LRMDA: variants seen among roughly 807,000 people sequenced by gnomAD.
LRMDA encodes leucine rich melanocyte differentiation associated.
LRMDA carries 18 observed loss-of-function variants against 29.8 expected under a neutral mutation model. The observed-to-expected ratio is 0.60, with a 90% CI of 0.42 to 0.90. The LOEUF (loss-of-function observed/expected upper bound fraction) is 0.90. Among genes scored for constraint, LRMDA ranks in the 40% least tolerant of loss-of-function variants. The pLI is 0.00. For synonymous variants in LRMDA, 125 were observed against 109.4 expected, an observed-to-expected ratio of 1.14 and a Z score of -0.89; for missense variants, 273 against 273.9, an observed-to-expected ratio of 1.00 and a Z score of 0.02.
At chr10:76,489,884 C>A (rs1280137391) in intron 6 of LRMDA, among the ~76,000 whole-genome samples, 1 of 151,856 alleles carries the variant, frequency 6.6e-6, no homozygotes, top group African/African-American at 2.4e-5. Context: ...TCTCCTGCTG[C>A]CCTGTGAAGA....
chr10:75,666,914 GAAAT>G (rs1160063777), intron 2 of LRMDA, among the ~76,000 whole-genome samples: 1 of 152,138 alleles, frequency 6.6e-6, no homozygotes, highest in African/African-American at 2.4e-5. Flanking sequence ...CCAGGTTTGA[GAAAT>G]AAATAATGGT....
intron 2 of LRMDA, among the ~76,000 whole-genome samples, chr10:75,854,675 G>A (rs112790531): frequency 0.016 from 2,387 of 151,850 alleles, 53 homozygotes; most frequent in African/African-American, 0.05. Context: ...CCATTAACTC[G>A]TCACTTAACA....
chr10:75,895,128 C>T (rs1252816297), intron 2 of LRMDA, among the ~76,000 whole-genome samples: 2 of 152,140 alleles, frequency 1.3e-5, no homozygotes, highest in East Asian at 3.9e-4. Context: ...GTGGTTACCA[C>T]CATCCTTTAT....
intron 2 of LRMDA, among the ~76,000 whole-genome samples, chr10:75,956,483 G>T (rs1413281355): frequency 2.0e-5 from 3 of 151,902 alleles, no homozygotes; most frequent in African/African-American, 7.3e-5. Flanking sequence ...TTTTTGCTCT[G>T]GGCTTAAACA....
intron 5 of LRMDA, among the ~76,000 whole-genome samples, chr10:76,152,615 A>G (rs1002224064): frequency 1.3e-5 from 2 of 152,324 alleles, no homozygotes; most frequent in South Asian, 2.1e-4. Flanking sequence ...GCTGTTTTCC[A>G]TAGGTAGTGC....
At chr10:76,403,136 A>G (rs572582802) in intron 6 of LRMDA, 3 of 151,726 alleles carry the variant, frequency 2.0e-5, no homozygotes, top group East Asian at 4.0e-4. Flanking sequence ...AATCTCTCCT[A>G]TAGTCTCCTG....
intron 2 of LRMDA, among the ~76,000 whole-genome samples, chr10:75,932,539 G>C (rs2132401736): frequency 6.6e-6 from 1 of 152,196 alleles, no homozygotes; most frequent in East Asian, 1.9e-4. Flanking sequence ...TTGAGTCCAA[G>C]AATTCAAGGC....
At chr10:75,777,644 G>A (rs1230989425) in intron 2 of LRMDA, among the ~76,000 whole-genome samples, 1 of 152,216 alleles carries the variant, frequency 6.6e-6, no homozygotes, top group Non-Finnish European at 1.5e-5. Flanking sequence ...GAGGCATTGT[G>A]GTCTAGCGGT....
intron 5 of LRMDA, among the ~76,000 whole-genome samples, chr10:76,245,226 G>T (rs1466290570): frequency 6.6e-6 from 1 of 152,280 alleles, no homozygotes. Flanking sequence ...TCATCCAGGG[G>T]AGAACTAGAG....
intron 2 of LRMDA, among the ~76,000 whole-genome samples, chr10:75,506,509 T>A (rs998770228): frequency 2.0e-5 from 3 of 152,200 alleles, no homozygotes; most frequent in Non-Finnish European, 4.4e-5. Context: ...TTATAGCAGA[T>A]CAGTGAGATG....
intron 2 of LRMDA, among the ~76,000 whole-genome samples, chr10:75,918,064 TC>T (rs1387658951): frequency 6.6e-6 from 1 of 151,966 alleles, no homozygotes; most frequent in Non-Finnish European, 1.5e-5. Flanking sequence ...ACTATGAGAA[TC>T]ATCAGGTACT....
At position 75,859,491 on chromosome 10, in the gene LRMDA, A is replaced by G. The variant is rs374819859; in HGVS notation, c.132-176517A>G. Among the ~76,000 whole-genome samples the G allele has an allele frequency of 1.2e-4, 18 of 152,022 alleles. No homozygotes were observed. The East Asian group carries it at 3.1e-3, about 26-fold the overall frequency. ...ATTTGAAAAATAATTTCACATATGTATTGTCTTTTTTGTTGTGAATTGCCC... is the reference window on the plus strand; with the variant it reads ...ATTTGAAAAATAATTTCACATATGTGTTGTCTTTTTTGTTGTGAATTGCCC... On this transcript the variant is annotated intron_variant, in intron 2 of 6. Transcript: ENST00000611255.
chr10:76,196,057 G>A (rs1851326624), intron 5 of LRMDA, among the ~76,000 whole-genome samples: 1 of 152,202 alleles, frequency 6.6e-6, no homozygotes, highest in Non-Finnish European at 1.5e-5. Context: ...TTAGTGTTCA[G>A]CTAAGAGGAC....
In LRMDA at chr10:75,914,135, AT is replaced by A. The variant is rs112215299; in HGVS notation, c.132-121864del. ...ACCATGGTGAGAAGACTGCGCAAGG[AT>A]TTTTTTTTCCTCCTTCTTCTCAAAA... On this transcript the variant is annotated intron_variant, in intron 2 of 6. Coordinates refer to ENST00000611255, the MANE Select transcript of LRMDA (RefSeq NM_001305581.2). Among the ~76,000 whole-genome samples, 44 of 152,052 alleles carry A rather than the reference AT, an allele frequency of 2.9e-4. No individual in the cohort carries two copies. In the East Asian group the frequency reaches 4.4e-3, roughly 15 times the overall value.
chr10:75,995,743 C>T lies in LRMDA; in HGVS notation c.132-40265C>T, dbSNP rs142143745. ...TTCAACCCACTGCCAGTTTTTATCC[C>T]GGATCTACCTTCCTGCCTGCAGTAA... On this transcript the variant is annotated intron_variant, in intron 2 of 6. Transcript: ENST00000611255. Among the ~76,000 whole-genome samples the T allele has an allele frequency of 3.1e-4, 47 of 152,240 alleles. 1 individual carries two copies. In the East Asian group the frequency reaches 8.5e-3, roughly 28 times the overall value.
At chr10:76,127,451 A>G (rs1849903860) in intron 5 of LRMDA, among the ~76,000 whole-genome samples, 1 of 152,214 alleles carries the variant, frequency 6.6e-6, no homozygotes, top group Admixed American at 6.5e-5. Context: ...CACCAGGTGA[A>G]CTGTATGTTT....
At chr10:75,817,085 C>G (rs1844074110) in intron 2 of LRMDA, among the ~76,000 whole-genome samples, 1 of 152,204 alleles carries the variant, frequency 6.6e-6, no homozygotes, top group African/African-American at 2.4e-5. Context: ...GGGATCATAT[C>G]TGACATTTGT....
intron 6 of LRMDA, among the ~76,000 whole-genome samples, chr10:76,386,574 A>T (rs1415564361): frequency 1.3e-5 from 2 of 152,146 alleles, no homozygotes; most frequent in Non-Finnish European, 2.9e-5. Flanking sequence ...TGTTCTTAAC[A>T]CCTACAAGAT....
chr10:76,182,267 C>T lies in LRMDA; in HGVS notation c.516+123484C>T, dbSNP rs559680286. ...GAGGGAAAGTGCCACACTTTTAAAC[C>T]ACCAGATCTTGTGAGAACTCCCTCA... On this transcript the variant is annotated intron_variant, in intron 5 of 6. Transcript: ENST00000611255. Among the ~76,000 whole-genome samples the T allele has an allele frequency of 1.2e-3, 180 of 152,168 alleles. 1 individual carries two copies. The highest frequency in any genetic ancestry group is 3.9e-3 in the African/African-American group (160 of 41,524).
Sources: allele counts gnomAD v4.1 joint callset (sites outside exome capture counted in the v4.1 genomes callset), GRCh38; gene constraint gnomAD v4.1.1; transcripts MANE v1.5; gene names NCBI Gene and HGNC (gene_info 2026-07-23, HGNC 2026-07-21).